Variants in SLC30A7 observed in about 807,000 individuals in gnomAD.
SLC30A7 encodes the protein solute carrier family 30 member 7.
In SLC30A7, 35 loss-of-function variants were observed where a neutral mutation model predicts 46.0. That is an observed-to-expected ratio of 0.76 (90% CI 0.58 to 1.01). SLC30A7 has a LOEUF of 1.01. Ranked by LOEUF, SLC30A7 falls within the 50% of genes least tolerant of loss-of-function variation. The probability of loss-of-function intolerance (pLI) is 0.00; values close to 1 mark genes in which losing one functional copy is unlikely to be tolerated. For missense variants in SLC30A7, 464 were observed against 451.1 expected (o/e 1.03, Z -0.26); for synonymous variants, 147 against 157.8 (o/e 0.93, Z 0.51).
chr1:100,914,344 C>G (rs1386185515), intron 6 of SLC30A7, among the ~76,000 whole-genome samples: 1 of 152,126 alleles, frequency 6.6e-6, no homozygotes, highest in African/African-American at 2.4e-5. Flanking sequence ...TTTCCCTCCC[C>G]TCAAATGCCA....
At chr1:100,920,947 T>G (rs894393353) in intron 7 of SLC30A7, among the ~76,000 whole-genome samples, 1 of 151,922 alleles carries the variant, frequency 6.6e-6, no homozygotes, top group African/African-American at 2.4e-5. Flanking sequence ...CTCAGTTGAG[T>G]TTTTTCAGAA....
chr1:100,962,326 A>G (rs1187024942), intron 9 of SLC30A7, among the ~76,000 whole-genome samples: 1 of 152,216 alleles, frequency 6.6e-6, no homozygotes, highest in African/African-American at 2.4e-5. Flanking sequence ...CAGTAAGTAG[A>G]TAAATAAGAA....
chr1:100,944,335 C>T (rs1287173703), intron 8 of SLC30A7, among the ~76,000 whole-genome samples: 1 of 152,164 alleles, frequency 6.6e-6, no homozygotes, highest in African/African-American at 2.4e-5. Flanking sequence ...ACACCATACC[C>T]AGACAGAATA....
At chr1:100,935,955 C>A (rs1653937113) in intron 8 of SLC30A7, among the ~76,000 whole-genome samples, 1 of 152,124 alleles carries the variant, frequency 6.6e-6, no homozygotes, top group African/African-American at 2.4e-5. Context: ...CCACTCTTTG[C>A]CCTTAATAGG....
chr1:100,991,362 G>A, the SLC30A7 span, among the ~76,000 whole-genome samples: 6 of 152,146 alleles, frequency 3.9e-5, no homozygotes, highest in African/African-American at 1.4e-4. Context: ...GGGGGCAAAT[G>A]GTTTATCCAA....
At chr1:100,918,169 G>T in intron 7 of SLC30A7, 42 bp downstream of exon 7, 1 of 1,514,456 alleles carries the variant, frequency 6.6e-7, no homozygotes, top group Non-Finnish European at 9.1e-7. Context: ...TTTTGAAACT[G>T]CTTTTATAGT....
chr1:100,987,430 CT>C, the SLC30A7 span, among the ~76,000 whole-genome samples: 1 of 152,124 alleles, frequency 6.6e-6, no homozygotes, highest in Non-Finnish European at 1.5e-5. Context: ...ATCTTTTCTT[CT>C]CTTTTCCTCA....
At chr1:100,947,335 A>T (rs1337365043) in intron 8 of SLC30A7, among the ~76,000 whole-genome samples, 5 of 152,190 alleles carry the variant, frequency 3.3e-5, no homozygotes, top group African/African-American at 1.2e-4. Flanking sequence ...ATTCAGGAAC[A>T]GGTTGTTCAG....
chr1:100,915,741 G>A (rs969012778), intron 6 of SLC30A7, among the ~76,000 whole-genome samples: 23 of 152,140 alleles, frequency 1.5e-4, no homozygotes, highest in African/African-American at 5.6e-4. Flanking sequence ...TAGTGAATAC[G>A]GAAGTGCAGA....
At chr1:100,950,681 A>C (rs1427269404) in intron 8 of SLC30A7, among the ~76,000 whole-genome samples, 1 of 152,174 alleles carries the variant, frequency 6.6e-6, no homozygotes, top group African/African-American at 2.4e-5. Flanking sequence ...CTTCTCCTAA[A>C]ATCAGGACTT....
chr1:100,935,009 GA>G (rs899975103), intron 8 of SLC30A7, among the ~76,000 whole-genome samples: 5 of 150,730 alleles, frequency 3.3e-5, no homozygotes, highest in South Asian at 2.1e-4. Context: ...CCCACAAAAA[GA>G]AAAAAAAATT....
downstream of SLC30A7, chr1:100,981,888 C>T (rs1238352527): frequency 6.6e-6 from 1 of 152,174 alleles, no homozygotes; most frequent in Non-Finnish European, 1.5e-5. Context: ...AACAGCAGAA[C>T]TTACTAGGAG....
intron 8 of SLC30A7, among the ~76,000 whole-genome samples, chr1:100,945,215 A>C (rs2101062467): frequency 6.6e-6 from 1 of 151,896 alleles, no homozygotes; most frequent in South Asian, 2.1e-4. Context: ...GATTGCAAAA[A>C]TTTTCTCCCA....
chr1:100,911,866 A>G (rs1652122980), intron 4 of SLC30A7, among the ~76,000 whole-genome samples: 1 of 152,190 alleles, frequency 6.6e-6, no homozygotes. Flanking sequence ...AAGATACCAC[A>G]TAAGAACAAG....
At chr1:100,920,348 C>T (rs970240718) in intron 7 of SLC30A7, among the ~76,000 whole-genome samples, 1 of 151,822 alleles carries the variant, frequency 6.6e-6, no homozygotes, top group African/African-American at 2.4e-5. Context: ...AAAGTGGCCC[C>T]AACATTATTA....
chr1:100,908,636 C>T (rs887305569), intron 3 of SLC30A7, among the ~76,000 whole-genome samples: 5 of 152,014 alleles, frequency 3.3e-5, no homozygotes, highest in Admixed American at 2.0e-4. Context: ...CAGATAAGAA[C>T]GCTTTTTATG....
intron 8 of SLC30A7, among the ~76,000 whole-genome samples, chr1:100,950,917 G>A (rs1362916942): frequency 1.1e-4 from 17 of 152,166 alleles, no homozygotes; most frequent in South Asian, 1.0e-3. Context: ...ACAGGGAAGG[G>A]AAGGAGCCAG....
chr1:100,962,447 A>G (rs1320943459), intron 9 of SLC30A7, among the ~76,000 whole-genome samples: 2 of 152,270 alleles, frequency 1.3e-5, no homozygotes, highest in Admixed American at 6.5e-5. Context: ...CCTTGAAGAC[A>G]AGAAAGAGCT....
the SLC30A7 span, among the ~76,000 whole-genome samples, chr1:100,991,239 CA>C: frequency 6.6e-6 from 1 of 152,152 alleles, no homozygotes; most frequent in African/African-American, 2.4e-5. Flanking sequence ...CAGTTAAAAA[CA>C]GCCAGCCTTA....
Sources: allele counts gnomAD v4.1 joint callset (sites outside exome capture counted in the v4.1 genomes callset), GRCh38; gene constraint gnomAD v4.1.1; transcripts MANE v1.5; gene names NCBI Gene and HGNC (gene_info 2026-07-23, HGNC 2026-07-21).